LRRC4C: variants seen among roughly 807,000 people sequenced by gnomAD.
LRRC4C encodes the protein leucine-rich repeat-containing protein 4C.
In LRRC4C, 5 loss-of-function variants were observed where a neutral mutation model predicts 33.6. That is an observed-to-expected ratio of 0.15 (90% confidence interval 0.08 to 0.31). The LOEUF (loss-of-function observed/expected upper bound fraction) is 0.31. Ranked by LOEUF, LRRC4C falls within the 10% of genes least tolerant of loss-of-function variation. The pLI is 1.00. For missense variants in LRRC4C, 560 were observed against 796.7 expected (o/e 0.70, Z 3.58); for synonymous variants, 329 against 302.0 (o/e 1.09, Z -0.93).
chr11:41,157,047 C>T (rs1328448537), intron 1 of LRRC4C, among the ~76,000 whole-genome samples: 1 of 152,098 alleles, frequency 6.6e-6, no homozygotes, highest in Admixed American at 6.6e-5. Context: ...CCCTCTGGAA[C>T]TCCCATCTTG....
intron 3 of LRRC4C, among the ~76,000 whole-genome samples, chr11:40,350,307 T>A (rs540463313): frequency 6.6e-6 from 1 of 152,264 alleles, no homozygotes; most frequent in East Asian, 1.9e-4. Flanking sequence ...TTCTTCTGCA[T>A]ATGGATATTC....
chr11:41,245,684 A>G (rs1210011101), intron 1 of LRRC4C, among the ~76,000 whole-genome samples: 1 of 152,212 alleles, frequency 6.6e-6, no homozygotes, highest in Admixed American at 6.5e-5. Context: ...ATGGCAAGCA[A>G]GGAGAGTGTT....
chr11:41,219,825 C>T (rs956562994), intron 1 of LRRC4C, among the ~76,000 whole-genome samples: 5 of 152,174 alleles, frequency 3.3e-5, no homozygotes, highest in Non-Finnish European at 1.5e-5. Flanking sequence ...CCCTCATCTA[C>T]TGCACATGCC....
intron 1 of LRRC4C, among the ~76,000 whole-genome samples, chr11:41,021,029 C>T (rs1855926063): frequency 6.6e-6 from 1 of 152,104 alleles, no homozygotes; most frequent in Non-Finnish European, 1.5e-5. Flanking sequence ...CTAACCTTTT[C>T]CTTCACAGCA....
intron 2 of LRRC4C, among the ~76,000 whole-genome samples, chr11:40,704,620 C>G (rs1022292153): frequency 1.5e-4 from 23 of 152,156 alleles, no homozygotes; most frequent in African/African-American, 5.5e-4. Flanking sequence ...TAATCCTAGG[C>G]AATAATCTCT....
chr11:41,308,299 G>A (rs919987223), intron 1 of LRRC4C, among the ~76,000 whole-genome samples: 17 of 148,520 alleles, frequency 1.1e-4, no homozygotes, highest in South Asian at 2.2e-4. Context: ...AATACCTGGT[G>A]AAAGATTTTT....
At chr11:41,290,719 C>A (rs1949969110) in intron 1 of LRRC4C, among the ~76,000 whole-genome samples, 1 of 152,126 alleles carries the variant, frequency 6.6e-6, no homozygotes, top group South Asian at 2.1e-4. Flanking sequence ...CTATTAGATT[C>A]CTGCCATGAA....
intron 2 of LRRC4C, among the ~76,000 whole-genome samples, chr11:40,713,693 T>A (rs1946573994): frequency 6.6e-6 from 1 of 152,154 alleles, no homozygotes; most frequent in South Asian, 2.1e-4. Context: ...TAAAAAGTAG[T>A]TTTCTTGTTT....
At chr11:41,375,024 G>A (rs1020712106) in intron 1 of LRRC4C, among the ~76,000 whole-genome samples, 2 of 152,040 alleles carry the variant, frequency 1.3e-5, no homozygotes, top group African/African-American at 2.4e-5. Flanking sequence ...CTACTTGAGA[G>A]GCTGAGGAGG....
chr11:40,379,579 G>A (rs1278174340), intron 3 of LRRC4C, among the ~76,000 whole-genome samples: 1 of 152,052 alleles, frequency 6.6e-6, no homozygotes, highest in Non-Finnish European at 1.5e-5. Context: ...TAAATAACTG[G>A]TTAGGAATAT....
chr11:41,331,377 C>T (rs1237855028), intron 1 of LRRC4C, among the ~76,000 whole-genome samples: 1 of 152,066 alleles, frequency 6.6e-6, no homozygotes, highest in African/African-American at 2.4e-5. Flanking sequence ...TTAAAGAAAC[C>T]ACACTTGGCA....
intron 2 of LRRC4C, among the ~76,000 whole-genome samples, chr11:40,752,486 G>A (rs1948741062): frequency 6.6e-6 from 1 of 151,596 alleles, no homozygotes. Context: ...ATGACCAACA[G>A]GTATATTAAA....
At position 40,882,100 on chromosome 11, in the gene LRRC4C, TA is replaced by T. The variant is rs796151250; in HGVS notation, c.-407+51534del. 1.3e-4 allele frequency among the ~76,000 whole-genome samples: 20 copies of T among 152,220 alleles called. No homozygotes were observed. The South Asian group carries it at 3.7e-3, about 28-fold the overall frequency. The stretch of plus-strand genomic sequence containing the variant: ...GAGGCATGAAAGCAGCCATCGATTA[TA>T]AATGAGTATTGGGAATGGCTGCTTT... On this transcript the variant is annotated intron_variant, in intron 2 of 6. Transcript: ENST00000528697.
chr11:40,132,343 T>C (rs1856701491), intron 6 of LRRC4C, among the ~76,000 whole-genome samples: 1 of 152,208 alleles, frequency 6.6e-6, no homozygotes, highest in Non-Finnish European at 1.5e-5. Flanking sequence ...TGGGAGGTAG[T>C]CTACCCTGGT....
At chr11:40,471,823 A>G (rs975236272) in intron 3 of LRRC4C, among the ~76,000 whole-genome samples, 15 of 152,212 alleles carry the variant, frequency 9.9e-5, no homozygotes, top group African/African-American at 3.6e-4. Flanking sequence ...CCTAACAGAC[A>G]TCTACAGAAC....
At chr11:41,298,273 A>G (rs780765446) in intron 1 of LRRC4C, among the ~76,000 whole-genome samples, 1 of 152,178 alleles carries the variant, frequency 6.6e-6, no homozygotes, top group South Asian at 2.1e-4. Flanking sequence ...AAGAGATAAA[A>G]GAAGGGAAGA....
intron 3 of LRRC4C, among the ~76,000 whole-genome samples, chr11:40,566,086 G>GTTTTTTTTTTTTTTTTTTTTTTTT: frequency 3.2e-5 from 2 of 62,796 alleles, no homozygotes; most frequent in East Asian, 6.4e-4. Context: ...TTTTTACTAA[G>GTTTTTTTTTTTTTTTTTTTTTTTT]TTTTTTTTTT....
At chr11:41,364,139 T>C (rs1285537895) in intron 1 of LRRC4C, among the ~76,000 whole-genome samples, 1 of 152,184 alleles carries the variant, frequency 6.6e-6, no homozygotes, top group Non-Finnish European at 1.5e-5. Flanking sequence ...TCCGTTACTT[T>C]GCAGACAAGG....
intron 1 of LRRC4C, among the ~76,000 whole-genome samples, chr11:40,949,319 G>T (rs1399694370): frequency 6.6e-6 from 1 of 152,066 alleles, no homozygotes; most frequent in Non-Finnish European, 1.5e-5. Flanking sequence ...TTTGTGGGTT[G>T]CCTGTTCACT....
Sources: gnomAD v4.1 joint callset for allele counts (sites outside exome capture counted in the v4.1 genomes callset) on GRCh38, gnomAD v4.1.1 for gene constraint, MANE v1.5 for transcripts, NCBI Gene and HGNC (gene_info 2026-07-23, HGNC 2026-07-21) for gene names.